CELSR3: variants seen among roughly 807,000 people sequenced by gnomAD.
CELSR3 encodes the protein EGF-like protein 1.
A neutral mutation model predicts 270.0 loss-of-function variants in CELSR3; 73 were observed. That is an observed-to-expected ratio of 0.27 (90% CI 0.22 to 0.33). CELSR3 has a LOEUF of 0.33. Ranked by LOEUF, CELSR3 falls within the 10% of genes least tolerant of loss-of-function variation. The probability of loss-of-function intolerance (pLI) is 1.00; values close to 1 mark genes in which losing one functional copy is unlikely to be tolerated. For missense variants in CELSR3, 3,614 were observed against 4,533.8 expected (o/e 0.80, Z 5.83); for synonymous variants, 1,780 against 1,905.4 (o/e 0.93, Z 1.71).
chr3:48,648,534 G>C (rs1007961748), intron 18 of CELSR3, 73 bp from the exon 19 acceptor site: 1 of 1,438,864 alleles, frequency 6.9e-7, no homozygotes, highest in East Asian at 2.5e-5. Flanking sequence ...AGGCATGAGA[G>C]GTCTGGACAG....
rs1346914400 is a variant in CELSR3, at chr3:48,645,072, G to A, written c.7935C>T (p.Tyr2645=). The change falls in exon 25 of 35, where the codon TAC becomes TAT. Residue 2645 remains tyrosine (Y), a synonymous_variant. Transcript: ENST00000164024. This position sits in a 1 kb window ranked among gnomAD's most constrained non-coding sequence, Gnocchi z 5.4. ...RNVDRGAMRF[Y]HALGWGVPAV... is the part of the protein sequence containing the mutation. ...CAGGGACGCCCCAGCCCAGGGCATG[G>A]TAGAAGCGCATGGCGCCGCGGTCCA... is the stretch of plus-strand genomic sequence containing the variant. 1 of 1,599,134 alleles carries A rather than the reference G, an allele frequency of 6.3e-7. No homozygotes were observed.
rs1007781821 is a variant in CELSR3, at chr3:48,640,773, T to C, written c.9026-214A>G. On this transcript the variant is annotated intron_variant, in intron 33 of 34. Transcript: ENST00000164024. This position sits in a 1 kb window ranked among gnomAD's most constrained non-coding sequence, Gnocchi z 7.5. ...AAGGGCAGTCATCTTCCAGTTGTGG[T>C]CCCGGGGCAGGGGGAGGGCGGGCAG... The C allele has an allele frequency of 3.6e-5, 9 of 247,016 alleles. No individual in the cohort carries two copies. The highest frequency in any genetic ancestry group is 4.9e-5 in the African/African-American group (2 of 40,718). 15.3% of individuals were successfully genotyped at this position (247,016 alleles called of 1,614,324 possible).
rs2077075781 is a variant in CELSR3 at position 48,662,459 on chromosome 3, C to G, written c.176G>C (p.Gly59Ala). 5 of 1,612,828 alleles carry G rather than the reference C, an allele frequency of 3.1e-6. No homozygotes were observed. The highest frequency in any genetic ancestry group is 4.2e-6 in the Non-Finnish European group (5 of 1,179,898). ...AGACTCCGGACAAAGAGCTAAGGCT[C>G]CGCCACCGATATGCGCCCTTGGCCC... is the stretch of plus-strand genomic sequence containing the variant. ...TTGPRAHIGGGALALCPESSG... is the reference protein window; with the variant it reads ...TTGPRAHIGGAALALCPESSG... Residue 59 changes from glycine to alanine, a missense_variant, in exon 1 of 35, where the codon GGA becomes GCA. By Grantham distance (60) the Gly-to-Ala change is moderately conservative. Coordinates refer to ENST00000164024, the MANE Select transcript of CELSR3 (RefSeq NM_001407.3). This position sits in a 1 kb window ranked among gnomAD's most constrained non-coding sequence, Gnocchi z 7.1.
Position 48,659,724 on chromosome 3 carries a change from A to G in CELSR3, c.2911T>C (p.Ser971Pro). The G allele has an allele frequency of 6.2e-7, 1 of 1,614,204 alleles. No individual in the cohort carries two copies. Among genetic ancestry groups the G allele is most frequent in the Non-Finnish European group, 8.5e-7 (1 of 1,180,038 alleles). ...CTGGTGAAAGGTGGGGCATCCTCAG[A>G]GACCAGCCCTGTATAGTGGGAGGCC... is the stretch of plus-strand genomic sequence containing the variant. Reference protein sequence around the residue: ...FVASHYTGLVSEDAPPFTSVL... With the variant: ...FVASHYTGLVPEDAPPFTSVL... The change falls in exon 1 of 35, where the codon TCT (serine) becomes CCT (proline). Residue 971 changes from serine (S) to proline (P), a missense_variant. Around this residue, in one of 7 missense-constraint regions of CELSR3, gnomAD observed 1,331 missense variants for 1,933.7 expected, o/e 0.69. Coordinates refer to ENST00000164024, the MANE Select transcript of CELSR3 (RefSeq NM_001407.3). The surrounding 1 kb of genome is among the most constrained non-coding windows in gnomAD (Gnocchi z 8.1).
chr3:48,653,520 G>T lies in CELSR3; in HGVS notation c.5448+99C>A. 1 of 1,437,234 alleles carries T rather than the reference G, an allele frequency of 7.0e-7. No individual in the cohort carries two copies. 89.0% of individuals were successfully genotyped at this position (1,437,234 alleles called of 1,614,324 possible). A position where few individuals can be genotyped will look rare whatever the true frequency, so the allele number is the denominator to read the frequency against. ...TCAAGTGTGGTTGGGACACCTGGCA[G>T]AAAAGTATGCTGTGTGACCAACCTG... On this transcript the variant is annotated intron_variant, in intron 9 of 34. Coordinates refer to ENST00000164024, the MANE Select transcript of CELSR3 (RefSeq NM_001407.3). The surrounding 1 kb of genome is among the most constrained non-coding windows in gnomAD (Gnocchi z 6.5).
rs1216775442 is a variant in CELSR3 at position 48,653,577 on chromosome 3, G to A, written c.5448+42C>T. ...CAAGAATGTCAGTGGCGGCCTAAGA[G>A]ACTGAGAACTGAGGGTATAGGGGTG... On this transcript the variant is annotated intron_variant, in intron 9 of 34. Coordinates refer to ENST00000164024, the MANE Select transcript of CELSR3 (RefSeq NM_001407.3). The surrounding 1 kb of genome is among the most constrained non-coding windows in gnomAD (Gnocchi z 6.5). 1.9e-6 allele frequency: 3 copies of A among 1,592,664 alleles called. No homozygotes were observed. Among genetic ancestry groups the A allele is most frequent in the African/African-American group, 1.3e-5 (1 of 74,566 alleles).
In CELSR3 at chr3:48,640,338, C is replaced by T. The variant is rs771841302; in HGVS notation, c.9247G>A (p.Glu3083Lys). The change falls in exon 34 of 35, where the codon GAG (glutamate) becomes AAG (lysine). Residue 3083 changes from glutamate (E) to lysine (K), a missense_variant. Physicochemically the swap from Glu to Lys is moderately conservative, Grantham distance 56. Coordinates refer to ENST00000164024, the MANE Select transcript of CELSR3 (RefSeq NM_001407.3). This position sits in a 1 kb window ranked among gnomAD's most constrained non-coding sequence, Gnocchi z 7.5. ...GGGGCAGGGGCTTCCTCTAGTCGCT[C>T]ACGGCTCAGTTGCCGCCGGAGGAGC... is the stretch of plus-strand genomic sequence containing the variant. ...DLLLRRQLSR[E>K]RLEEAPAPVL... 1 of 1,612,600 alleles carries T rather than the reference C, an allele frequency of 6.2e-7. No homozygotes were observed. Among genetic ancestry groups the T allele is most frequent in the African/African-American group, 1.3e-5 (1 of 75,008 alleles).
In CELSR3 at chr3:48,653,727, G is replaced by A. The variant is rs752508180; in HGVS notation, c.5340C>T (p.Asp1780=). ...NGTLSWNFGS[D]MAVSVPWYLG... is the part of the protein sequence containing the mutation. ...GGTACCATGGCACAGACACAGCCAT[G>A]TCACTTCCAAAGTTCCAGCTCAGTG... Residue 1780 remains aspartate (D), a synonymous_variant, in exon 9 of 35, where the codon GAC becomes GAT. Transcript: ENST00000164024. This position sits in a 1 kb window ranked among gnomAD's most constrained non-coding sequence, Gnocchi z 6.5. 3.7e-6 allele frequency: 6 copies of A among 1,614,198 alleles called. No homozygotes were observed. The highest frequency in any genetic ancestry group is 1.6e-4 in the Middle Eastern group (1 of 6,062).
Position 48,640,671 on chromosome 3 carries a change from G to T in CELSR3, c.9026-112C>A. 8.1e-7 allele frequency: 1 copy of T among 1,230,472 alleles called. No homozygotes were observed. The allele number at this position is 1,230,472 out of a possible 1,614,324, so 76.2% of individuals were successfully genotyped here. On this transcript the variant is annotated intron_variant, in intron 33 of 34. Coordinates refer to ENST00000164024, the MANE Select transcript of CELSR3 (RefSeq NM_001407.3). This position sits in a 1 kb window ranked among gnomAD's most constrained non-coding sequence, Gnocchi z 7.5. ...TTGGGATCCTTCCAACACAGGGATG[G>T]GAGCAGGAACCCCTTGGGGAGCAGC...
At position 48,646,214 on chromosome 3, in the gene CELSR3, C is replaced by G. The variant is rs1484784039; in HGVS notation, c.7339G>C (p.Ala2447Pro). The G allele has an allele frequency of 6.2e-7, 1 of 1,612,656 alleles. No individual in the cohort carries two copies. The highest frequency in any genetic ancestry group is 8.5e-7 in the Non-Finnish European group (1 of 1,179,886). ...AGGAAGTTGCGTCCGTGGAACACAG[C>G]CACGCTGACCACCGGGGAGTTCATG... Reference protein sequence around the residue: ...PVMNSPVVSVAVFHGRNFLRG... With the variant: ...PVMNSPVVSVPVFHGRNFLRG... Residue 2447 changes from alanine (A) to proline (P), a missense_variant, in exon 22 of 35, where the codon GCT (alanine) becomes CCT (proline). This residue lies in a region of CELSR3 where 1,240 missense variants were observed against 1,351.7 expected (regional missense o/e 0.92). Coordinates refer to ENST00000164024, the MANE Select transcript of CELSR3 (RefSeq NM_001407.3). The surrounding 1 kb of genome is among the most constrained non-coding windows in gnomAD (Gnocchi z 4.8).
At position 48,661,468 on chromosome 3, in the gene CELSR3, T is replaced by A. The variant is rs1457627101; in HGVS notation, c.1167A>T (p.Ala389=). The change falls in exon 1 of 35, where the codon GCA becomes GCT. Residue 389 remains alanine (A), a synonymous_variant. Transcript: ENST00000164024. ...GCTCCATGCTCTCGCGGTCCAGAGC[T>A]GCCGCCGTACGGATAAGGCCGCTCT... ...DPQSGLIRTA[A]ALDRESMERH... 1.2e-6 allele frequency: 2 copies of A among 1,608,040 alleles called. No homozygotes were observed. Among genetic ancestry groups the A allele is most frequent in the Non-Finnish European group, 1.7e-6 (2 of 1,177,584 alleles).
rs529328278 is a variant in CELSR3, at chr3:48,643,031, G to A, written c.8342C>T (p.Ala2781Val). ...FCVLNADARA[A>V]WMPACLGRKA... is the part of the protein sequence containing the mutation. Reference sequence around the variant, plus strand: ...CCTGCCCAGACAGGCTGGCATCCAGGCAGCCCGAGCATCTGCATTTAGGAC... The same window carrying A: ...CCTGCCCAGACAGGCTGGCATCCAGACAGCCCGAGCATCTGCATTTAGGAC... Residue 2781 changes from alanine to valine, a missense_variant, in exon 29 of 35, where the codon GCC becomes GTC. By Grantham distance (64) the Ala-to-Val change is moderately conservative (BLOSUM62 0). Coordinates refer to ENST00000164024, the MANE Select transcript of CELSR3 (RefSeq NM_001407.3). The A allele has an allele frequency of 1.2e-6, 2 of 1,612,836 alleles. No homozygotes were observed. The highest frequency in any genetic ancestry group is 2.2e-5 in the South Asian group (2 of 91,086).
intron 19 of CELSR3, 41 bp from the exon 20 acceptor site, chr3:48,648,037 T>G: frequency 6.2e-7 from 1 of 1,605,030 alleles, no homozygotes; most frequent in Non-Finnish European, 8.5e-7. Flanking sequence ...CATGGACCTC[T>G]TCCCCCTGCC....
chr3:48,654,595 G>A lies in CELSR3; in HGVS notation c.4989-143C>T, dbSNP rs1371686867. The A allele has an allele frequency of 1.4e-6, 1 of 728,228 alleles. No individual in the cohort carries two copies. The highest frequency in any genetic ancestry group is 2.8e-5 in the East Asian group (1 of 36,252). The allele number at this position is 728,228 out of a possible 1,614,324, so 45.1% of individuals were successfully genotyped here. Reference sequence around the variant, plus strand: ...TAAGGCCGAGCTGTGGAAGGAGTTAGGATCTTACTTCAGTTGGGGTGCAAA... The same window carrying A: ...TAAGGCCGAGCTGTGGAAGGAGTTAAGATCTTACTTCAGTTGGGGTGCAAA... On this transcript the variant is annotated intron_variant, in intron 6 of 34. Coordinates refer to ENST00000164024, the MANE Select transcript of CELSR3 (RefSeq NM_001407.3). This position sits in a 1 kb window ranked among gnomAD's most constrained non-coding sequence, Gnocchi z 5.4.
chr3:48,661,132 C>T lies in CELSR3; in HGVS notation c.1503G>A (p.Val501=). 6.2e-7 allele frequency: 1 copy of T among 1,608,608 alleles called. No individual in the cohort carries two copies. Among genetic ancestry groups the T allele is most frequent in the Non-Finnish European group, 8.5e-7 (1 of 1,177,862 alleles). The change falls in exon 1 of 35, where the codon GTG becomes GTA. Residue 501 remains valine (V), a synonymous_variant. Transcript: ENST00000164024. ...CATAGCTTTCCATGTGCTCGCGGTC[C>T]ACTCGGCCGCTGGTGCTGATGAGGC... ...RSGLISTSGR[V]DREHMESYEL...
Position 48,656,317 on chromosome 3 carries a change from A to G in CELSR3, c.4448T>C (p.Val1483Ala). The part of the protein sequence containing the change: ...DTEAGRCVPG[V>A]CRNGGTCTDA... Reference sequence around the variant, plus strand: ...GGTGCAGGTGCCCCCGTTGCGGCAGACGCCCGGCACGCAGCGGCCGGCCTC... The same window carrying G: ...GGTGCAGGTGCCCCCGTTGCGGCAGGCGCCCGGCACGCAGCGGCCGGCCTC... The change falls in exon 3 of 35, where the codon GTC (valine) becomes GCC (alanine). Residue 1483 changes from valine (V) to alanine (A), a missense_variant. Physicochemically the swap from Val to Ala is moderately conservative, Grantham distance 64. Transcript: ENST00000164024. The G allele has an allele frequency of 6.9e-7, 1 of 1,458,410 alleles. No homozygotes were observed. The allele number at this position is 1,458,410 out of a possible 1,614,324, so 90.3% of individuals were successfully genotyped here.
chr3:48,642,371 G>A lies in CELSR3; in HGVS notation c.8652C>T (p.Phe2884=), dbSNP rs371157328. The A allele has an allele frequency of 4.2e-5, 67 of 1,612,800 alleles. No homozygotes were observed. The highest frequency in any genetic ancestry group is 4.8e-5 in the Non-Finnish European group (57 of 1,179,754). Residue 2884 remains phenylalanine, a synonymous_variant, in exon 31 of 35, where the codon TTC becomes TTT. Transcript: ENST00000164024. This position sits in a 1 kb window ranked among gnomAD's most constrained non-coding sequence, Gnocchi z 6.1. ...AGPTDLDVAM[F]HRDAGADSDS... is the part of the protein sequence containing the mutation. ...CCCCAACTCCACCAGCATCTCGATG[G>A]AACATGGCCACGTCCAGGTCAGTGG...
Position 48,642,985 on chromosome 3 carries a change from T to C in CELSR3, c.8388A>G (p.Ala2796=). 1 of 1,612,606 alleles carries C rather than the reference T, an allele frequency of 6.2e-7. No individual in the cohort carries two copies. Among genetic ancestry groups the C allele is most frequent in the Non-Finnish European group, 8.5e-7 (1 of 1,179,722 alleles). Residue 2796 remains alanine (A), a synonymous_variant, in exon 29 of 35, where the codon GCA becomes GCG. Transcript: ENST00000164024. The surrounding 1 kb of genome is among the most constrained non-coding windows in gnomAD (Gnocchi z 6.1). Reference sequence around the variant, plus strand: ...GACTCACCAGCCCAGGTGCTGGCCTTGCCTCCTCAGGCGCTGCCTTCCTGC... The same window carrying C: ...GACTCACCAGCCCAGGTGCTGGCCTCGCCTCCTCAGGCGCTGCCTTCCTGC... The part of the protein sequence containing the change: ...CLGRKAAPEE[A]RPAPGLGPGA...
rs767491182 is a variant in CELSR3, at chr3:48,650,463, TC to T, written c.6472+16del. On this transcript the variant is annotated intron_variant, in intron 16 of 34. Transcript: ENST00000164024. This position sits in a 1 kb window ranked among gnomAD's most constrained non-coding sequence, Gnocchi z 5.1. ...CACCCCCACCCTCAGTGATGTCCTT[TC>T]CCCCCACATACTCACCCAGGGCCCC... 13 of 1,011,400 alleles carry T rather than the reference TC, an allele frequency of 1.3e-5. No individual in the cohort carries two copies. The highest frequency in any genetic ancestry group is 3.9e-5 in the South Asian group (3 of 77,714). The allele number at this position is 1,011,400 out of a possible 1,614,324, so 62.7% of individuals were successfully genotyped here.
Sources: allele counts gnomAD v4.1 joint callset, GRCh38; gene constraint gnomAD v4.1.1; regional missense constraint gnomAD v4.1.1; non-coding constraint Gnocchi (gnomAD v3.1); transcripts MANE v1.5; gene names NCBI Gene and HGNC (gene_info 2026-07-23, HGNC 2026-07-21).